Variants in MIR2052HG observed in about 807,000 individuals in gnomAD.
The protein encoded by MIR2052HG is MIR2052 host gene.
At chr8:74,736,169 A>G (rs1252068366) in intron 4 of MIR2052HG, among the ~76,000 whole-genome samples, 1 of 152,168 alleles carries the variant, frequency 6.6e-6, no homozygotes, top group Non-Finnish European at 1.5e-5. Context: ...ACAGTCCCTG[A>G]GTCCCTTGAC....
intron 2 of MIR2052HG, among the ~76,000 whole-genome samples, chr8:74,645,216 C>T (rs2128735630): frequency 6.6e-6 from 1 of 151,738 alleles, no homozygotes; most frequent in East Asian, 1.9e-4. Context: ...AAAAGGTGAC[C>T]TTGGTAAATA....
chr8:74,702,585 A>T (rs773548806), intron 3 of MIR2052HG: 16 of 195,714 alleles, frequency 8.2e-5, no homozygotes, highest in Non-Finnish European at 1.3e-4. Context: ...ATTTCACCAC[A>T]TTCAAAGTTA....
chr8:74,602,856 T>TC (rs1554570053), intron 1 of MIR2052HG, among the ~76,000 whole-genome samples: 1 of 145,008 alleles, frequency 6.9e-6, no homozygotes, highest in Non-Finnish European at 1.5e-5. Context: ...TTTCTTTCTT[T>TC]CTTTCTTTCT....
Position 74,730,617 on chromosome 8 carries a change from A to AGT in MIR2052HG, n.372-21818_372-21817dup. On this transcript the variant is annotated intron_variant and non_coding_transcript_variant, in intron 4 of 6. Transcript: ENST00000523442. ...AAGATGATTGATAATATTCAATGTT[A>AGT]GTGTGTGGGTAGGAGTAGATATTGG... Among the ~76,000 whole-genome samples the AGT allele has an allele frequency of 1.3e-5, 2 of 152,312 alleles. 1 individual carries two copies. The highest frequency in any genetic ancestry group is 4.8e-5 in the African/African-American group (2 of 41,576).
intron 4 of MIR2052HG, among the ~76,000 whole-genome samples, chr8:74,744,358 G>T (rs982228685): frequency 6.6e-6 from 1 of 150,622 alleles, no homozygotes; most frequent in Admixed American, 6.7e-5. Context: ...AAGTTTTAGG[G>T]TACATGTGCA....
At chr8:74,649,678 A>T (rs1176203745) in intron 2 of MIR2052HG, among the ~76,000 whole-genome samples, 2 of 152,098 alleles carry the variant, frequency 1.3e-5, no homozygotes. Flanking sequence ...TATGTGTAAA[A>T]AATCTACACT....
intron 2 of MIR2052HG, among the ~76,000 whole-genome samples, chr8:74,617,614 G>A (rs1375091609): frequency 6.6e-6 from 1 of 151,966 alleles, no homozygotes. Context: ...TTTGTTGATG[G>A]ACACTTAGGT....
At chr8:74,622,622 T>A (rs934389371) in intron 2 of MIR2052HG, among the ~76,000 whole-genome samples, 11 of 151,108 alleles carry the variant, frequency 7.3e-5, no homozygotes, top group South Asian at 2.1e-4. Context: ...AGAAAAAAAA[T>A]TTTAAAAAGA....
chr8:74,685,548 T>C (rs1809171305), intron 2 of MIR2052HG, among the ~76,000 whole-genome samples: 1 of 152,116 alleles, frequency 6.6e-6, no homozygotes, highest in South Asian at 2.1e-4. Flanking sequence ...CTGTAGCGTT[T>C]GGTTTGGGTC....
intron 2 of MIR2052HG, among the ~76,000 whole-genome samples, chr8:74,659,256 T>G (rs891185894): frequency 6.6e-6 from 1 of 152,150 alleles, no homozygotes; most frequent in African/African-American, 2.4e-5. Flanking sequence ...AAACAGCACT[T>G]TGATGAGTAA....
At chr8:74,755,872 G>T (rs1434851362) in intron 5 of MIR2052HG, among the ~76,000 whole-genome samples, 1 of 152,158 alleles carries the variant, frequency 6.6e-6, no homozygotes, top group Non-Finnish European at 1.5e-5. Context: ...GCTGGGTACT[G>T]ATCTGAGCCC....
chr8:74,758,243 T>C (rs1488906687), intron 6 of MIR2052HG: 4 of 152,166 alleles, frequency 2.6e-5, no homozygotes, highest in African/African-American at 9.7e-5. Context: ...TAAAATTTCA[T>C]GTATTTCCAG....
intron 4 of MIR2052HG, among the ~76,000 whole-genome samples, chr8:74,704,042 G>A (rs774607761): frequency 7.2e-5 from 11 of 151,950 alleles, no homozygotes; most frequent in Non-Finnish European, 1.3e-4. Flanking sequence ...TAACTCTTTT[G>A]AGGGAAAGGT....
At chr8:74,753,505 C>G (rs1809969389) in intron 5 of MIR2052HG, among the ~76,000 whole-genome samples, 1 of 152,168 alleles carries the variant, frequency 6.6e-6, no homozygotes, top group Admixed American at 6.6e-5. Context: ...TGACACTAAA[C>G]TGACTGTGTT....
At chr8:74,609,220 A>C (rs962293201) in intron 1 of MIR2052HG, among the ~76,000 whole-genome samples, 7 of 151,994 alleles carry the variant, frequency 4.6e-5, no homozygotes, top group Non-Finnish European at 1.0e-4. Flanking sequence ...AATACCGTGA[A>C]AGATAAAAAT....
intron 2 of MIR2052HG, among the ~76,000 whole-genome samples, chr8:74,697,992 A>G (rs1809316379): frequency 6.6e-6 from 1 of 152,172 alleles, no homozygotes; most frequent in African/African-American, 2.4e-5. Flanking sequence ...TCTTCACAGA[A>G]CTAGAAAAAA....
intron 2 of MIR2052HG, among the ~76,000 whole-genome samples, chr8:74,680,336 A>G (rs78936779): frequency 0.013 from 1,934 of 152,222 alleles, 30 homozygotes; most frequent in African/African-American, 0.045. Flanking sequence ...GAAAGACACA[A>G]TGTCACAATG....
chr8:74,666,375 C>T (rs1808924713), intron 2 of MIR2052HG, among the ~76,000 whole-genome samples: 2 of 152,336 alleles, frequency 1.3e-5, no homozygotes, highest in South Asian at 4.1e-4. Flanking sequence ...AAAGTAACCA[C>T]CATCACTTGG....
At chr8:74,752,769 T>C (rs1008802464) in intron 5 of MIR2052HG, among the ~76,000 whole-genome samples, 2 of 152,210 alleles carry the variant, frequency 1.3e-5, no homozygotes, top group Non-Finnish European at 2.9e-5. Context: ...GAGTCAATGA[T>C]TAATTTTTCC....
Sources: gnomAD v4.1 joint callset for allele counts (sites outside exome capture counted in the v4.1 genomes callset) on GRCh38, gnomAD v4.1.1 for gene constraint, MANE v1.5 for transcripts, NCBI Gene and HGNC (gene_info 2026-07-23, HGNC 2026-07-21) for gene names.